The following GDF11 variants were observed in gnomAD, a reference collection of about 807,000 sequenced individuals.
The protein encoded by GDF11 is growth differentiation factor 11.
In GDF11, 12 loss-of-function variants were observed where a neutral mutation model predicts 34.4. The observed-to-expected ratio is 0.35, with a 90% CI of 0.22 to 0.57. GDF11 has a LOEUF of 0.57. Ranked by LOEUF, GDF11 falls within the 20% of genes least tolerant of loss-of-function variation. GDF11 has a pLI of 0.86. For missense variants in GDF11, 346 were observed against 548.2 expected (o/e 0.63, Z 3.68); for synonymous variants, 212 against 231.1 (o/e 0.92, Z 0.75).
Position 55,748,764 on chromosome 12 carries a change from CG to C in GDF11, c.625del (p.Ala209GlnfsTer16). 6.2e-7 allele frequency: 1 copy of C among 1,614,218 alleles called. No individual in the cohort carries two copies. On this transcript the variant is annotated frameshift_variant, in exon 2 of 3. Coordinates refer to ENST00000257868, the MANE Select transcript of GDF11 (RefSeq NM_005811.5). LOFTEE classifies it high-confidence loss of function. The surrounding 1 kb of genome is among the most constrained non-coding windows in gnomAD (Gnocchi z 5.6). Reference sequence around the variant, plus strand: ...TAAAACCCCTAACTGGGGAAGGGACCGCAGGGGGAGGGGGCGGAGGCCGGCG... The same window carrying C: ...TAAAACCCCTAACTGGGGAAGGGACCCAGGGGGAGGGGGCGGAGGCCGGCG... ...RLKPLTGEGT[A>X]GGGGGGRRHI...
In GDF11 at chr12:55,744,043, T is replaced by TG. The variant is rs892541176; in HGVS notation, c.445+284dup. On this transcript the variant is annotated intron_variant, in intron 1 of 2. Coordinates refer to ENST00000257868, the MANE Select transcript of GDF11 (RefSeq NM_005811.5). ...CCCAGTATGCTAAAAAGATCCTTGT[T>TG]GGAGTCCGGGGAAGCTGGGGCTGGG... is the stretch of plus-strand genomic sequence containing the variant. Among the ~76,000 whole-genome samples, 4 of 152,250 alleles carry TG rather than the reference T, an allele frequency of 2.6e-5. No homozygotes were observed. In the South Asian group the frequency reaches 6.2e-4, roughly 24 times the overall value.
At position 55,748,131 on chromosome 12, in the gene GDF11, G is replaced by A. The variant is rs1428241742; in HGVS notation, c.446-455G>A. 6.6e-6 allele frequency among the ~76,000 whole-genome samples: 1 copy of A among 152,200 alleles called. No homozygotes were observed. Among genetic ancestry groups the A allele is most frequent in the Non-Finnish European group, 1.5e-5 (1 of 68,042 alleles). Reference sequence around the variant, plus strand: ...CTGAGGCCATCTGTGTTATTTTGTGGGGGAGGGATGTGCCAGGCTCTACCT... The same window carrying A: ...CTGAGGCCATCTGTGTTATTTTGTGAGGGAGGGATGTGCCAGGCTCTACCT... On this transcript the variant is annotated intron_variant, in intron 1 of 2. Coordinates refer to ENST00000257868, the MANE Select transcript of GDF11 (RefSeq NM_005811.5). The surrounding 1 kb of genome is among the most constrained non-coding windows in gnomAD (Gnocchi z 5.6).
rs886423455 is a variant in GDF11, at chr12:55,755,731, G to A, written c.*5849G>A. 2.6e-5 allele frequency: 4 copies of A among 152,074 alleles called. No individual in the cohort carries two copies. The highest frequency in any genetic ancestry group is 2.1e-4 in the South Asian group (1 of 4,820). 9.4% of individuals were successfully genotyped at this position (152,074 alleles called of 1,614,324 possible). On this transcript the variant is annotated 3_prime_UTR_variant, in exon 3 of 3. Coordinates refer to ENST00000257868, the MANE Select transcript of GDF11 (RefSeq NM_005811.5). ...GGGGAGGACTTCATCTGGCTTGGAG[G>A]TTAGAGACTTCTGACCAACATAGGA... is the stretch of plus-strand genomic sequence containing the variant.
rs1436982463 is a variant in GDF11 at position 55,751,483 on chromosome 12, G to A, written c.*1601G>A. 6 of 152,354 alleles carry A rather than the reference G, an allele frequency of 3.9e-5. No homozygotes were observed. Among genetic ancestry groups the A allele is most frequent in the Non-Finnish European group, 8.8e-5 (6 of 68,144 alleles). 9.4% of individuals were successfully genotyped at this position (152,354 alleles called of 1,614,324 possible). ...ATGACAGCACCCGCCACAGCCAAGA[G>A]ATGAATTCTGAGCACTTACCACGGG... On this transcript the variant is annotated 3_prime_UTR_variant, in exon 3 of 3. Coordinates refer to ENST00000257868, the MANE Select transcript of GDF11 (RefSeq NM_005811.5).
In GDF11 at chr12:55,756,596, G is replaced by C. The variant is rs1175359057; in HGVS notation, c.*6714G>C. On this transcript the variant is annotated 3_prime_UTR_variant, in exon 3 of 3. Transcript: ENST00000257868. ...CAAAAATAGCTCAAACAAAAACCGAGCTTATATAAAGATTAAGAGGAGAAA... is the reference window on the plus strand; with the variant it reads ...CAAAAATAGCTCAAACAAAAACCGACCTTATATAAAGATTAAGAGGAGAAA... The C allele has an allele frequency of 5.3e-5, 8 of 152,152 alleles. No individual in the cohort carries two copies. Among genetic ancestry groups the C allele is most frequent in the Admixed American group, 4.6e-4 (7 of 15,264 alleles). The allele number at this position is 152,152 out of a possible 1,614,324, so 9.4% of individuals were successfully genotyped here.
intron 1 of GDF11, among the ~76,000 whole-genome samples, chr12:55,746,909 C>T (rs1390722874): frequency 6.6e-6 from 1 of 152,192 alleles, no homozygotes; most frequent in Admixed American, 6.5e-5. Context: ...CTTTCAGGCA[C>T]TTGCCTGTAT....
rs1404550295 is a variant in GDF11, at chr12:55,752,616, A to G, written c.*2734A>G. 6.6e-6 allele frequency: 1 copy of G among 152,148 alleles called. No individual in the cohort carries two copies. Among genetic ancestry groups the G allele is most frequent in the Non-Finnish European group, 1.5e-5 (1 of 68,036 alleles). The allele number at this position is 152,148 out of a possible 1,614,324, so 9.4% of individuals were successfully genotyped here. A position where few individuals can be genotyped will look rare whatever the true frequency, so the allele number is the denominator to read the frequency against. Reference sequence around the variant, plus strand: ...ATCATTTATTTTGTGTATTTGTCACATTGTGTGCATGACAGCCTTTGTTAA... The same window carrying G: ...ATCATTTATTTTGTGTATTTGTCACGTTGTGTGCATGACAGCCTTTGTTAA... On this transcript the variant is annotated 3_prime_UTR_variant, in exon 3 of 3. Coordinates refer to ENST00000257868, the MANE Select transcript of GDF11 (RefSeq NM_005811.5).
intron 1 of GDF11, among the ~76,000 whole-genome samples, chr12:55,747,527 C>T (rs1349597185): frequency 6.6e-6 from 1 of 152,134 alleles, no homozygotes; most frequent in Non-Finnish European, 1.5e-5. Context: ...CTGATTCTTC[C>T]TATCTAGAGT....
rs1878465127 is a variant in GDF11, at chr12:55,755,116, A to G, written c.*5234A>G. ...TTTGGGGGGATTCCAATAATCAGAA[A>G]TAAGTGGCATTGCCAGAGGCCCTCA... is the stretch of plus-strand genomic sequence containing the variant. On this transcript the variant is annotated 3_prime_UTR_variant, in exon 3 of 3. Coordinates refer to ENST00000257868, the MANE Select transcript of GDF11 (RefSeq NM_005811.5). The G allele has an allele frequency of 1.3e-5, 2 of 152,218 alleles. No homozygotes were observed. The highest frequency in any genetic ancestry group is 6.5e-5 in the Admixed American group (1 of 15,278). 9.4% of individuals were successfully genotyped at this position (152,218 alleles called of 1,614,324 possible).
Position 55,743,355 on chromosome 12 carries a change from C to T in GDF11, c.39C>T (p.Leu13=), listed in dbSNP as rs1878101393. Residue 13 remains leucine, a synonymous_variant, in exon 1 of 3, where the codon CTC becomes CTT. Transcript: ENST00000257868. Reference sequence around the variant, plus strand: ...CCCCGCTGCTGCTGGGCTTCCTGCTCCTCGCCCTGGAGCTGCGGCCCCGGG... The same window carrying T: ...CCCCGCTGCTGCTGGGCTTCCTGCTTCTCGCCCTGGAGCTGCGGCCCCGGG... ...LAAPLLLGFL[L]LALELRPRGE... is the part of the protein sequence containing the mutation. The T allele has an allele frequency of 1.0e-6, 1 of 985,980 alleles. No homozygotes were observed. The highest frequency in any genetic ancestry group is 1.8e-5 in the African/African-American group (1 of 56,822). The allele number at this position is 985,980 out of a possible 1,614,324, so 61.1% of individuals were successfully genotyped here.
intron 1 of GDF11, 64 bp downstream of exon 1, chr12:55,743,825 G>C: frequency 7.5e-7 from 1 of 1,330,684 alleles, no homozygotes; most frequent in Non-Finnish European, 1.0e-6. Flanking sequence ...GGCGCCTTCT[G>C]CTCCAAGCGG....
Position 55,751,684 on chromosome 12 carries a change from C to G in GDF11, c.*1802C>G, listed in dbSNP as rs1878326812. The G allele has an allele frequency of 6.6e-6, 1 of 152,200 alleles. No homozygotes were observed. Among genetic ancestry groups the G allele is most frequent in the Non-Finnish European group, 1.5e-5 (1 of 68,076 alleles). 9.4% of individuals were successfully genotyped at this position (152,200 alleles called of 1,614,324 possible). A position where few individuals can be genotyped will look rare whatever the true frequency, so the allele number is the denominator to read the frequency against. ...GAGTTGAGAATCTCCTGATCCACAC[C>G]CTATCCTTACTTCACCACCAGGCCT... On this transcript the variant is annotated 3_prime_UTR_variant, in exon 3 of 3. Coordinates refer to ENST00000257868, the MANE Select transcript of GDF11 (RefSeq NM_005811.5).
chr12:55,746,140 C>T (rs1329583365), intron 1 of GDF11, among the ~76,000 whole-genome samples: 2 of 152,190 alleles, frequency 1.3e-5, no homozygotes, highest in East Asian at 3.8e-4. Context: ...GATGTGGCCC[C>T]TTTTCCTCCC....
chr12:55,745,910 A>G (rs1224806652), intron 1 of GDF11, among the ~76,000 whole-genome samples: 1 of 148,976 alleles, frequency 6.7e-6, no homozygotes, highest in Non-Finnish European at 1.5e-5. Context: ...CCCCACACCA[A>G]GAGGCCCCTG....
chr12:55,748,894 C>G lies in GDF11; in HGVS notation c.754C>G (p.Gln252Glu). 6.2e-7 allele frequency: 1 copy of G among 1,610,750 alleles called. No homozygotes were observed. ...QVLHSWFRQP[Q>E]SNWGIEINAF... ...GCTACACAGCTGGTTCCGCCAGCCACAGAGCAACTGGGGCATCGAGATCAA... is the reference window on the plus strand; with the variant it reads ...GCTACACAGCTGGTTCCGCCAGCCAGAGAGCAACTGGGGCATCGAGATCAA... Residue 252 changes from glutamine (Q) to glutamate (E), a missense_variant, in exon 2 of 3, where the codon CAG becomes GAG. Gln to Glu is a conservative substitution (Grantham distance 29). Coordinates refer to ENST00000257868, the MANE Select transcript of GDF11 (RefSeq NM_005811.5). The surrounding 1 kb of genome is among the most constrained non-coding windows in gnomAD (Gnocchi z 5.6).
At chr12:55,744,316 C>G (rs1036749823) in intron 1 of GDF11, among the ~76,000 whole-genome samples, 1 of 151,418 alleles carries the variant, frequency 6.6e-6, no homozygotes, top group East Asian at 1.9e-4. Context: ...CCTTTCCATC[C>G]TGACCCCTGT....
Position 55,743,484 on chromosome 12 carries a change from G to A in GDF11, c.168G>A (p.Ala56=). 6.6e-7 allele frequency: 1 copy of A among 1,519,796 alleles called. No individual in the cohort carries two copies. The highest frequency in any genetic ancestry group is 8.8e-7 in the Non-Finnish European group (1 of 1,136,996). 94.1% of individuals were successfully genotyped at this position (1,519,796 alleles called of 1,614,324 possible). ...CCAGCCGGCCAGCCCCGTCCGTGGCGCCCGAGCCGGACGGCTGCCCCGTGT... is the reference window on the plus strand; with the variant it reads ...CCAGCCGGCCAGCCCCGTCCGTGGCACCCGAGCCGGACGGCTGCCCCGTGT... The part of the protein sequence containing the change: ...ERSSRPAPSV[A]PEPDGCPVCV... The change falls in exon 1 of 3, where the codon GCG becomes GCA. Residue 56 remains alanine (A), a synonymous_variant. Coordinates refer to ENST00000257868, the MANE Select transcript of GDF11 (RefSeq NM_005811.5).
In GDF11 at chr12:55,743,553, C is replaced by A. The variant is rs372575399; in HGVS notation, c.237C>A (p.Ile79=). Reference sequence around the variant, plus strand: ...GCCGCGAGCTGCGCCTAGAGAGCATCAAGTCGCAGATCTTGAGCAAACTGC... The same window carrying A: ...GCCGCGAGCTGCGCCTAGAGAGCATAAAGTCGCAGATCTTGAGCAAACTGC... ...QHSRELRLES[I]KSQILSKLRL... Residue 79 remains isoleucine, a synonymous_variant, in exon 1 of 3, where the codon ATC becomes ATA. Transcript: ENST00000257868. 3.1e-6 allele frequency: 5 copies of A among 1,603,754 alleles called. No individual in the cohort carries two copies. In the African/African-American group the frequency reaches 5.3e-5, roughly 17 times the overall value.
At chr12:55,744,281 C>A (rs1200205310) in intron 1 of GDF11, among the ~76,000 whole-genome samples, 1 of 152,176 alleles carries the variant, frequency 6.6e-6, no homozygotes, top group Non-Finnish European at 1.5e-5. Flanking sequence ...GAGCCCTGTA[C>A]ACCTCCTGGC....
Sources: allele counts gnomAD v4.1 joint callset (sites outside exome capture counted in the v4.1 genomes callset), GRCh38; gene constraint gnomAD v4.1.1; non-coding constraint Gnocchi (gnomAD v3.1); transcripts MANE v1.5; gene names NCBI Gene and HGNC (gene_info 2026-07-23, HGNC 2026-07-21).